CHAC2: variants seen among roughly 807,000 people sequenced by gnomAD.
CHAC2 encodes ChaC glutathione specific gamma-glutamylcyclotransferase 2, also known as glutathione-specific gamma-glutamylcyclotransferase 2.
Under a neutral mutation model 16.9 loss-of-function variants are expected in CHAC2, and 20 were observed. The ratio of observed to expected loss-of-function variants is 1.18; its 90% confidence interval spans 0.83 to 1.72. The LOEUF (loss-of-function observed/expected upper bound fraction) is 1.72, where lower values mean the gene tolerates loss of function less well. CHAC2 is among the 40% of genes most tolerant of loss of function. CHAC2 has a pLI of 0.00. For synonymous variants in CHAC2, 91 were observed against 77.3 expected (o/e 1.18, Z -0.93); for missense variants, 269 against 222.2 (o/e 1.21, Z -1.34).
chr2:53,769,070 G>A (rs1290873792), intron 1 of CHAC2, among the ~76,000 whole-genome samples: 4 of 152,146 alleles, frequency 2.6e-5, no homozygotes, highest in Non-Finnish European at 5.9e-5. Context: ...TTGGGATGTT[G>A]GACACAGTGA....
Position 53,774,522 on chromosome 2 carries a change from A to T in CHAC2, c.552A>T (p.Ile184=). ...AAGGGAAACAGAACCTCAATTGCAT[A>T]TAATTTAGTCTTCAGAGAATTAACT... ...RLEGKQNLNC[I] The change falls in exon 3 of 3, where the codon ATA becomes ATT. Residue 184 remains isoleucine, a synonymous_variant. Transcript: ENST00000295304. 1 of 1,532,058 alleles carries T rather than the reference A, an allele frequency of 6.5e-7. No individual in the cohort carries two copies. Among genetic ancestry groups the T allele is most frequent in the Non-Finnish European group, 8.7e-7 (1 of 1,145,380 alleles). The allele number at this position is 1,532,058 out of a possible 1,614,324, so 94.9% of individuals were successfully genotyped here.
chr2:53,769,236 C>A (rs1388536317), intron 1 of CHAC2, among the ~76,000 whole-genome samples: 1 of 152,172 alleles, frequency 6.6e-6, no homozygotes, highest in South Asian at 2.1e-4. Context: ...TTTGGCTGGG[C>A]CCGGTAGCTC....
At chr2:53,769,714 C>A (rs769660916) in intron 1 of CHAC2, among the ~76,000 whole-genome samples, 1 of 152,156 alleles carries the variant, frequency 6.6e-6, no homozygotes, top group African/African-American at 2.4e-5. Flanking sequence ...GGCGTGGTGG[C>A]GCACGCCAGT....
At chr2:53,770,713 A>T (rs1163074931) in intron 1 of CHAC2, among the ~76,000 whole-genome samples, 1 of 152,190 alleles carries the variant, frequency 6.6e-6, no homozygotes. Flanking sequence ...TAAAAAGTGA[A>T]GCTTTCCATA....
In CHAC2 at chr2:53,774,152, G is replaced by A; in HGVS notation, c.182G>A (p.Trp61Ter). Residue 61 changes from tryptophan (W) to a stop codon, truncating the protein, a stop_gained, in exon 3 of 3, where the codon TGG becomes TAG. Coordinates refer to ENST00000295304, the MANE Select transcript of CHAC2 (RefSeq NM_001008708.4). LOFTEE classifies it high-confidence loss of function. ...TLVEDPAGCV[W>*]GVAYRLPVGK... Reference sequence around the variant, plus strand: ...TTCATTTTTCAACAGGGATGTGTATGGGGTGTTGCTTACAGATTGCCAGTA... The same window carrying A: ...TTCATTTTTCAACAGGGATGTGTATAGGGTGTTGCTTACAGATTGCCAGTA... 1.2e-6 allele frequency: 2 copies of A among 1,605,688 alleles called. No individual in the cohort carries two copies. Among genetic ancestry groups the A allele is most frequent in the Non-Finnish European group, 8.5e-7 (1 of 1,176,652 alleles).
At chr2:53,773,345 C>A (rs1299526968) in intron 2 of CHAC2, among the ~76,000 whole-genome samples, 2 of 150,370 alleles carry the variant, frequency 1.3e-5, no homozygotes, top group African/African-American at 5.0e-5. Flanking sequence ...AAATTATTCA[C>A]AATGGAGATT....
intron 1 of CHAC2, among the ~76,000 whole-genome samples, chr2:53,768,438 G>A (rs1673653741): frequency 6.6e-6 from 1 of 152,204 alleles, no homozygotes; most frequent in Non-Finnish European, 1.5e-5. Context: ...AATTAAATTT[G>A]TTGGCATTTC....
chr2:53,767,837 G>C lies in CHAC2; in HGVS notation c.-50G>C, dbSNP rs374912087. On this transcript the variant is annotated 5_prime_UTR_variant, in exon 1 of 3. Coordinates refer to ENST00000295304, the MANE Select transcript of CHAC2 (RefSeq NM_001008708.4). ...ACCGGAGGCTTCAGTCCCCGGCGGC[G>C]CGGCGACAGCTAGGGTTCACGGCCA... The C allele has an allele frequency of 1.3e-5, 20 of 1,559,488 alleles. No homozygotes were observed. In the African/African-American group the frequency reaches 2.6e-4, roughly 20 times the overall value.
intron 1 of CHAC2, among the ~76,000 whole-genome samples, chr2:53,771,505 C>A (rs1214943899): frequency 6.6e-6 from 1 of 152,056 alleles, no homozygotes; most frequent in Admixed American, 6.6e-5. Context: ...TTGAGCAAAA[C>A]TCCGTCTCAA....
chr2:53,767,872 A>G lies in CHAC2; in HGVS notation c.-15A>G. The stretch of plus-strand genomic sequence containing the variant: ...CTAGGGTTCACGGCCACTGGGGCAG[A>G]GGAGCCGCGAGAAGATGTGGGTTTT... On this transcript the variant is annotated 5_prime_UTR_variant, in exon 1 of 3. Transcript: ENST00000295304. 6.3e-7 allele frequency: 1 copy of G among 1,599,272 alleles called. No individual in the cohort carries two copies.
intron 1 of CHAC2, 75 bp from the exon 2 acceptor site, chr2:53,771,832 A>G (rs1673934389): frequency 1.2e-6 from 1 of 804,348 alleles, no homozygotes; most frequent in African/African-American, 1.7e-5. Flanking sequence ...TTCCATGTCA[A>G]AAATGTTGCT....
chr2:53,767,977 C>A lies in CHAC2; in HGVS notation c.91C>A (p.Arg31Ser). The A allele has an allele frequency of 6.2e-7, 1 of 1,614,088 alleles. No homozygotes were observed. Among genetic ancestry groups the A allele is most frequent in the Non-Finnish European group, 8.5e-7 (1 of 1,180,004 alleles). Reference sequence around the variant, plus strand: ...CGGATACATCACCAACTACAGCAGGCGCTTCTGGCAGGGCAGCACGGACCA... The same window carrying A: ...CGGATACATCACCAACTACAGCAGGAGCTTCTGGCAGGGCAGCACGGACCA... ...LVGYITNYSR[R>S]FWQGSTDHRG... The change falls in exon 1 of 3, where the codon CGC becomes AGC. Residue 31 changes from arginine (R) to serine (S), a missense_variant. Arg to Ser is a moderately radical substitution (Grantham distance 110, BLOSUM62 -1). Coordinates refer to ENST00000295304, the MANE Select transcript of CHAC2 (RefSeq NM_001008708.4).
At chr2:53,770,721 A>G (rs1456855768) in intron 1 of CHAC2, among the ~76,000 whole-genome samples, 1 of 152,244 alleles carries the variant, frequency 6.6e-6, no homozygotes, top group African/African-American at 2.4e-5. Flanking sequence ...GAAGCTTTCC[A>G]TAATATTGTT....
intron 1 of CHAC2, among the ~76,000 whole-genome samples, chr2:53,770,425 T>C (rs1673817567): frequency 6.7e-6 from 1 of 148,302 alleles, no homozygotes; most frequent in African/African-American, 2.5e-5. Context: ...GGCTTATGAC[T>C]CAGCATTCCC....
At chr2:53,772,077 GTTTT>G (rs954986506) in intron 2 of CHAC2, 135 bp downstream of exon 2, 8 of 579,134 alleles carry the variant, frequency 1.4e-5, no homozygotes, top group East Asian at 9.7e-5. Flanking sequence ...GTATTTGTGG[GTTTT>G]TTTTGTGTTT....
Position 53,771,949 on chromosome 2 carries a change from T to C in CHAC2, c.171+7T>C. 1 of 1,475,390 alleles carries C rather than the reference T, an allele frequency of 6.8e-7. No individual in the cohort carries two copies. Among genetic ancestry groups the C allele is most frequent in the East Asian group, 2.4e-5 (1 of 42,434 alleles). The allele number at this position is 1,475,390 out of a possible 1,614,324, so 91.4% of individuals were successfully genotyped here. ...TCTTGTTGAAGATCCTGCGGTATGG[T>C]ATAAATATTCTTTTTTGTATAATTT... On this transcript the variant is annotated splice_region_variant and intron_variant, in intron 2 of 2. Coordinates refer to ENST00000295304, the MANE Select transcript of CHAC2 (RefSeq NM_001008708.4).
At chr2:53,773,384 G>C (rs1456398288) in intron 2 of CHAC2, among the ~76,000 whole-genome samples, 1 of 152,004 alleles carries the variant, frequency 6.6e-6, no homozygotes, top group African/African-American at 2.4e-5. Flanking sequence ...TTATTGTTTA[G>C]TATGTTCTTC....
At position 53,774,560 on chromosome 2, in the gene CHAC2, G is replaced by T; in HGVS notation, c.*35G>T. On this transcript the variant is annotated 3_prime_UTR_variant, in exon 3 of 3. Coordinates refer to ENST00000295304, the MANE Select transcript of CHAC2 (RefSeq NM_001008708.4). ...CAGAGAATTAACTTCAGTGCACAAT[G>T]ACAATATGATTTGGAAATACGTTTA... is the stretch of plus-strand genomic sequence containing the variant. 1.4e-6 allele frequency: 2 copies of T among 1,424,590 alleles called. No homozygotes were observed. The highest frequency in any genetic ancestry group is 1.5e-5 in the South Asian group (1 of 65,874). The allele number at this position is 1,424,590 out of a possible 1,614,324, so 88.2% of individuals were successfully genotyped here.
In CHAC2 at chr2:53,774,627, A is replaced by G. The variant is rs2104178221; in HGVS notation, c.*102A>G. 1.2e-6 allele frequency: 1 copy of G among 852,408 alleles called. No individual in the cohort carries two copies. Among genetic ancestry groups the G allele is most frequent in the Non-Finnish European group, 1.7e-6 (1 of 592,602 alleles). 52.8% of individuals were successfully genotyped at this position (852,408 alleles called of 1,614,324 possible). A position where few individuals can be genotyped will look rare whatever the true frequency, so the allele number is the denominator to read the frequency against. On this transcript the variant is annotated 3_prime_UTR_variant, in exon 3 of 3. Transcript: ENST00000295304. ...TTAATGTAGTGAGGATATTATTTAA[A>G]CTTTTATTTTAACTGGAAATGTCCT...
Sources: gnomAD v4.1 joint callset for allele counts (sites outside exome capture counted in the v4.1 genomes callset) on GRCh38, gnomAD v4.1.1 for gene constraint, MANE v1.5 for transcripts, NCBI Gene and HGNC (gene_info 2026-07-23, HGNC 2026-07-21) for gene names.